The following MPDU1 variants were observed in gnomAD, a reference collection of about 807,000 sequenced individuals.
The protein encoded by MPDU1 is mannose-P-dolichol utilization defect 1 protein.
A neutral mutation model predicts 27.6 loss-of-function variants in MPDU1; 18 were observed. That is an observed-to-expected ratio of 0.65 (90% CI 0.45 to 0.97). The LOEUF is 0.97. Ranked by LOEUF, MPDU1 falls within the 50% of genes least tolerant of loss-of-function variation. The pLI, the probability that MPDU1 is intolerant of heterozygous loss-of-function variation, is 0.00. For missense variants in MPDU1, 279 were observed against 297.4 expected (o/e 0.94, Z 0.46); for synonymous variants, 142 against 131.1 (o/e 1.08, Z -0.57).
chr17:7,584,022 T>G (rs751982955), intron 1 of MPDU1, 57 bp downstream of exon 1: 154 of 1,541,722 alleles, frequency 1.0e-4, no homozygotes, highest in Non-Finnish European at 1.3e-4. Context: ...GGGCCCTTAG[T>G]CCAAGCCTTG....
At chr17:7,587,384 G>A (rs202003282) in intron 6 of MPDU1, 42 bp from the exon 7 acceptor site, 4 of 1,613,834 alleles carry the variant, frequency 2.5e-6, no homozygotes, top group South Asian at 2.2e-5. Context: ...CCTTTCTTGA[G>A]CTATGCTGAA....
At chr17:7,587,096 T>G in intron 5 of MPDU1, 65 bp from the exon 6 acceptor site, 1 of 1,486,152 alleles carries the variant, frequency 6.7e-7, no homozygotes, top group Non-Finnish European at 9.3e-7. Flanking sequence ...TGTGGGGGTG[T>G]TGTACTTGGG....
chr17:7,585,819 C>G, intron 2 of MPDU1, 22 bp downstream of exon 2: 2 of 1,613,912 alleles, frequency 1.2e-6, no homozygotes, highest in African/African-American at 1.3e-5. Flanking sequence ...ATCTTTCTTT[C>G]CAGCTGTTGG....
chr17:7,584,755 G>A (rs1473122165), intron 1 of MPDU1, among the ~76,000 whole-genome samples: 1 of 152,222 alleles, frequency 6.6e-6, no homozygotes, highest in African/African-American at 2.4e-5. Context: ...ACTTTGGGAG[G>A]CCGAAGCGGG....
Position 7,587,158 on chromosome 17 carries a change from T to C in MPDU1, c.508-3T>C. The C allele has an allele frequency of 6.2e-7, 1 of 1,613,890 alleles. No homozygotes were observed. The highest frequency in any genetic ancestry group is 1.7e-5 in the Admixed American group (1 of 60,008). On this transcript the variant is annotated splice_polypyrimidine_tract_variant and splice_region_variant and intron_variant, in intron 5 of 6. Coordinates refer to ENST00000250124, the MANE Select transcript of MPDU1 (RefSeq NM_004870.4). ...GAGCCAAAGGTCTCAACTCCTCCCC[T>C]AGCTTCTCCAGGCAGCCACCAACTA... is the stretch of plus-strand genomic sequence containing the variant.
rs1173667650 is a variant in MPDU1, at chr17:7,586,936, G to C, written c.426G>C (p.Leu142=). The C allele has an allele frequency of 6.2e-7, 1 of 1,613,854 alleles. No individual in the cohort carries two copies. The highest frequency in any genetic ancestry group is 8.5e-7 in the Non-Finnish European group (1 of 1,180,012). The change falls in exon 5 of 7, where the codon CTG becomes CTC. Residue 142 remains leucine, a synonymous_variant. Coordinates refer to ENST00000250124, the MANE Select transcript of MPDU1 (RefSeq NM_004870.4). The part of the protein sequence containing the change: ...AFLACYGLVL[L]VLLSPLTPLT... ...TCGCTTGCTACGGCCTGGTCCTGCT[G>C]GTGCTTCTCTCACCTCTGACGCCCT... is the stretch of plus-strand genomic sequence containing the variant.
intron 1 of MPDU1, among the ~76,000 whole-genome samples, chr17:7,585,307 C>T (rs2071562200): frequency 6.6e-6 from 1 of 152,042 alleles, no homozygotes; most frequent in Non-Finnish European, 1.5e-5. Flanking sequence ...GAGGCTGAGG[C>T]AGGTGGATCA....
intron 1 of MPDU1, among the ~76,000 whole-genome samples, chr17:7,585,220 C>T (rs1351203039): frequency 2.6e-5 from 4 of 151,872 alleles, no homozygotes; most frequent in Non-Finnish European, 4.4e-5. Flanking sequence ...TGGTAGGCAT[C>T]GGAGAAAAGC....
Sources: gnomAD v4.1 joint callset for allele counts (sites outside exome capture counted in the v4.1 genomes callset) on GRCh38, gnomAD v4.1.1 for gene constraint, MANE v1.5 for transcripts, NCBI Gene and HGNC (gene_info 2026-07-23, HGNC 2026-07-21) for gene names.